The following KMT2E variants were observed in gnomAD, a reference collection of about 807,000 sequenced individuals.
KMT2E encodes lysine methyltransferase 2E (inactive).
In KMT2E, 30 loss-of-function variants were observed where a neutral mutation model predicts 184.6. The observed-to-expected ratio is 0.16, with a 90% confidence interval of 0.12 to 0.22. The LOEUF (loss-of-function observed/expected upper bound fraction) is 0.22. Among genes scored for constraint, KMT2E ranks in the 10% least tolerant of loss-of-function variants. KMT2E has a pLI of 1.00. For synonymous variants in KMT2E, 815 were observed against 776.5 expected (o/e 1.05, Z -0.82); for missense variants, 2,023 against 2,237.4 (o/e 0.90, Z 1.93).
intron 13 of KMT2E, among the ~76,000 whole-genome samples, chr7:105,088,572 G>A (rs1012241494): frequency 2.6e-5 from 4 of 152,200 alleles, no homozygotes; most frequent in African/African-American, 9.6e-5. Flanking sequence ...TTTTAACTGA[G>A]GTTTGGGCAT....
At chr7:105,052,990 A>G (rs1185877556) in intron 3 of KMT2E, among the ~76,000 whole-genome samples, 1 of 152,322 alleles carries the variant, frequency 6.6e-6, no homozygotes, top group East Asian at 1.9e-4. Context: ...ATAGAACTAC[A>G]GCTAAACGTA....
chr7:105,096,935 T>C (rs1798434528), intron 15 of KMT2E, among the ~76,000 whole-genome samples: 2 of 152,348 alleles, frequency 1.3e-5, no homozygotes, highest in African/African-American at 4.8e-5. Flanking sequence ...ATGAGCACTA[T>C]ACTATATTCT....
At chr7:105,057,821 A>G (rs560037535) in intron 3 of KMT2E, among the ~76,000 whole-genome samples, 4 of 152,192 alleles carry the variant, frequency 2.6e-5, no homozygotes, top group Admixed American at 6.5e-5. Flanking sequence ...TTCAGTATCT[A>G]TCACTAACAG....
chr7:105,085,533 AGC>A (rs1375148307), intron 13 of KMT2E, among the ~76,000 whole-genome samples: 3 of 148,474 alleles, frequency 2.0e-5, no homozygotes, highest in African/African-American at 7.4e-5. Flanking sequence ...GGGCAACAAT[AGC>A]AAAACATCTC....
In KMT2E at chr7:105,090,049, G is replaced by C. The variant is rs1398795538; in HGVS notation, c.1399G>C (p.Glu467Gln). The change falls in exon 14 of 27, where the codon GAG becomes CAG. Residue 467 changes from glutamate to glutamine, a missense_variant. Physicochemically the swap from Glu to Gln is conservative, Grantham distance 29 (BLOSUM62 2). Around this residue, in one of 8 missense-constraint regions of KMT2E, gnomAD observed 514 missense variants for 621.8 expected, o/e 0.83. Coordinates refer to ENST00000311117, the MANE Select transcript of KMT2E (RefSeq NM_182931.3). The stretch of plus-strand genomic sequence containing the variant: ...CTGTGCATGCCTCAAAGAAAACCCA[G>C]AGTGCCCTGTTCTAAAACGTAGTTC... Reference protein sequence around the residue: ...VDCACLKENPECPVLKRSSES... With the variant: ...VDCACLKENPQCPVLKRSSES... 2 of 1,613,456 alleles carry C rather than the reference G, an allele frequency of 1.2e-6. No individual in the cohort carries two copies. The highest frequency in any genetic ancestry group is 2.2e-5 in the East Asian group (1 of 44,838).
intron 5 of KMT2E, among the ~76,000 whole-genome samples, chr7:105,065,629 C>A (rs1028026070): frequency 6.6e-6 from 1 of 152,146 alleles, no homozygotes; most frequent in South Asian, 2.1e-4. Context: ...AAGAGCTTAA[C>A]AACAATTGTA....
intron 15 of KMT2E, among the ~76,000 whole-genome samples, chr7:105,100,089 A>T (rs1464374586): frequency 1.3e-5 from 2 of 152,216 alleles, no homozygotes; most frequent in Non-Finnish European, 2.9e-5. Context: ...CCCGTCCCAG[A>T]CTAGGAGAAG....
At chr7:105,101,770 T>C in intron 16 of KMT2E, 116 bp from the exon 17 acceptor site, 2 of 1,008,946 alleles carry the variant, frequency 2.0e-6, no homozygotes, top group Admixed American at 3.2e-5. Context: ...TTCTTTATTA[T>C]ATATCAGAAT....
intron 3 of KMT2E, among the ~76,000 whole-genome samples, chr7:105,059,776 A>G (rs11981399): frequency 0.19 from 28,666 of 151,914 alleles, 3,454 homozygotes; most frequent in East Asian, 0.58. Flanking sequence ...AAGTTTAGAG[A>G]AAGATACATG....
At chr7:105,087,308 TATAA>T (rs1798024840) in intron 13 of KMT2E, among the ~76,000 whole-genome samples, 1 of 135,676 alleles carries the variant, frequency 7.4e-6, no homozygotes, top group Admixed American at 7.3e-5. Flanking sequence ...AATATATAAA[TATAA>T]ATATAGCATA....
intron 3 of KMT2E, among the ~76,000 whole-genome samples, chr7:105,052,169 CTCTTATCTCACTATTA>C (rs1397739200): frequency 6.6e-6 from 1 of 152,154 alleles, no homozygotes; most frequent in African/African-American, 2.4e-5. Flanking sequence ...TCTCACTATT[CTCTTATCTCACTATTA>C]CTTCCATATT....
At chr7:105,072,560 G>A (rs904636844) in intron 6 of KMT2E, among the ~76,000 whole-genome samples, 2 of 152,150 alleles carry the variant, frequency 1.3e-5, no homozygotes, top group East Asian at 3.8e-4. Flanking sequence ...AAAAGTTGGG[G>A]GGGAATGTAA....
rs35249094 is a variant in KMT2E, at chr7:105,113,600, CTTTTT to C, written c.*277_*281del. On this transcript the variant is annotated 3_prime_UTR_variant, in exon 27 of 27. Transcript: ENST00000311117. ...TGATGCTGATTTGATGCTGTATGAT[CTTTTT>C]TTTTTTTTTAGTTAAATTCATTTAG... 4.9e-6 allele frequency: 1 copy of C among 204,312 alleles called. No homozygotes were observed. Among genetic ancestry groups the C allele is most frequent in the East Asian group, 1.2e-4 (1 of 8,604 alleles). The allele number at this position is 204,312 out of a possible 1,614,324, so 12.7% of individuals were successfully genotyped here.
At chr7:105,056,593 G>C (rs749148767) in intron 3 of KMT2E, among the ~76,000 whole-genome samples, 1 of 152,166 alleles carries the variant, frequency 6.6e-6, no homozygotes, top group African/African-American at 2.4e-5. Context: ...GATAGGTTCT[G>C]TCTCCTCTAG....
At chr7:105,040,767 G>A (rs10264273) in intron 2 of KMT2E, 72 bp from the exon 3 acceptor site, 72,094 of 386,142 alleles carry the variant, frequency 0.19, 10,121 homozygotes, top group East Asian at 0.62. Context: ...AATAAAGAAT[G>A]TTTTCTTCAT....
chr7:105,110,909 G>C, intron 26 of KMT2E, 41 bp downstream of exon 26: 1 of 1,390,910 alleles, frequency 7.2e-7, no homozygotes, highest in Non-Finnish European at 1.0e-6. Context: ...AAGGACTTTA[G>C]GTTGAGTGCA....
rs1387848609 is a variant in KMT2E, at chr7:105,112,004, T to A, written c.4248T>A (p.Pro1416=). 2 of 1,614,082 alleles carry A rather than the reference T, an allele frequency of 1.2e-6. No individual in the cohort carries two copies. The highest frequency in any genetic ancestry group is 4.5e-5 in the East Asian group (2 of 44,896). ...NNNQALSKNH[P]PQTHVRNSSE... is the part of the protein sequence containing the mutation. ...ACCAAGCACTTTCAAAGAATCATCC[T>A]CCTCAGACACACGTTCGTAATTCAT... The change falls in exon 27 of 27, where the codon CCT becomes CCA. Residue 1416 remains proline, a synonymous_variant. Transcript: ENST00000311117.
rs1799540355 is a variant in KMT2E at position 105,114,877 on chromosome 7, T to G, written c.*1544T>G. On this transcript the variant is annotated 3_prime_UTR_variant, in exon 27 of 27. Transcript: ENST00000311117. ...AACATATAGGCCAAGTTTGCCATCC[T>G]CAATTTGTCCAACAAAATTCTATTT... Among the ~76,000 whole-genome samples, 1 of 152,210 alleles carries G rather than the reference T, an allele frequency of 6.6e-6. No individual in the cohort carries two copies. Among genetic ancestry groups the G allele is most frequent in the South Asian group, 2.1e-4 (1 of 4,836 alleles).
chr7:105,067,615 G>GTA (rs934949294), intron 6 of KMT2E, among the ~76,000 whole-genome samples: 2 of 152,140 alleles, frequency 1.3e-5, no homozygotes, highest in African/African-American at 4.8e-5. Flanking sequence ...GTATATTTCA[G>GTA]TATATATGTA....
Sources: allele counts gnomAD v4.1 joint callset (sites outside exome capture counted in the v4.1 genomes callset), GRCh38; gene constraint gnomAD v4.1.1; regional missense constraint gnomAD v4.1.1; transcripts MANE v1.5; gene names NCBI Gene and HGNC (gene_info 2026-07-23, HGNC 2026-07-21).